Variants in ZC3H12B observed in about 807,000 individuals in gnomAD.
ZC3H12B encodes probable ribonuclease ZC3H12B.
A neutral mutation model predicts 43.9 loss-of-function variants in ZC3H12B; 7 were observed. The observed-to-expected ratio is 0.16, with a 90% CI of 0.09 to 0.30. The LOEUF is 0.30. ZC3H12B is among the 10% of genes least tolerant of loss of function. The pLI is 1.00. For missense variants in ZC3H12B, 475 were observed against 670.2 expected (o/e 0.71, Z 3.22); for synonymous variants, 222 against 241.7 (o/e 0.92, Z 0.76).
chrX:65,226,786 G>A, the ZC3H12B span, among the ~76,000 whole-genome samples: 1 of 111,512 alleles, frequency 9.0e-6, no homozygotes, highest in African/African-American at 3.3e-5. Flanking sequence ...AGACAAAGAA[G>A]ACCATTACAT....
chrX:65,168,247 G>T, the ZC3H12B span, among the ~76,000 whole-genome samples: 1 of 111,706 alleles, frequency 9.0e-6, no homozygotes, highest in Non-Finnish European at 1.9e-5. Context: ...TAGCATGAAG[G>T]GCTGTTGAAT....
chrX:65,503,253 A>G (rs1289504057), exon 5 of ZC3H12B: 2 of 951,577 alleles, frequency 2.1e-6, no homozygotes, highest in African/African-American at 4.0e-5. Flanking sequence ...GAATATTAAT[A>G]CTAATAATAC....
upstream of ZC3H12B, among the ~76,000 whole-genome samples, chrX:65,366,007 A>G (rs1368304751): frequency 9.0e-6 from 1 of 110,923 alleles, no homozygotes; most frequent in Non-Finnish European, 1.9e-5. Context: ...TAATTTCACC[A>G]AAGAATATAT....
At chrX:65,352,467 TAA>T in the ZC3H12B span, among the ~76,000 whole-genome samples, 84 of 101,427 alleles carry the variant, frequency 8.3e-4, no homozygotes, top group South Asian at 1.4e-3. Flanking sequence ...AAGTATAATT[TAA>T]AAAAAAAAAA....
chrX:65,322,257 T>TC, the ZC3H12B span, among the ~76,000 whole-genome samples: 1 of 110,933 alleles, frequency 9.0e-6, no homozygotes, highest in Non-Finnish European at 1.9e-5. Flanking sequence ...TCACCCACCA[T>TC]CCCCCACCTT....
chrX:65,155,931 A>G, the ZC3H12B span, among the ~76,000 whole-genome samples: 1 of 110,680 alleles, frequency 9.0e-6, no homozygotes, highest in South Asian at 3.8e-4. Context: ...TGGAATTATC[A>G]GTTTTTCAAA....
chrX:65,213,107 C>T, the ZC3H12B span, among the ~76,000 whole-genome samples: 1 of 108,227 alleles, frequency 9.2e-6, no homozygotes, highest in African/African-American at 3.3e-5. Flanking sequence ...TGTGTGAATC[C>T]TTGTAAATTG....
At chrX:65,058,052 T>G in the ZC3H12B span, among the ~76,000 whole-genome samples, 1 of 112,233 alleles carries the variant, frequency 8.9e-6, no homozygotes, top group African/African-American at 3.2e-5. Flanking sequence ...CTCGGAGAAG[T>G]TTGATCGTCT....
the ZC3H12B span, among the ~76,000 whole-genome samples, chrX:65,234,459 A>T: frequency 8.9e-6 from 1 of 111,938 alleles, no homozygotes; most frequent in Admixed American, 9.5e-5. Flanking sequence ...CAAGACAAGG[A>T]TCCCCACTTT....
At chrX:65,441,294 A>G (rs2067298306) in intron 3 of ZC3H12B, among the ~76,000 whole-genome samples, 1 of 112,211 alleles carries the variant, frequency 8.9e-6, no homozygotes, top group Admixed American at 9.5e-5. Flanking sequence ...CGGCTTTACC[A>G]ATTCCAACTA....
At chrX:65,452,442 A>G (rs762792938) in intron 3 of ZC3H12B, among the ~76,000 whole-genome samples, 2 of 111,654 alleles carry the variant, frequency 1.8e-5, no homozygotes, top group African/African-American at 6.5e-5. Flanking sequence ...ATAGCTGAAA[A>G]AAAAAAAAAC....
the ZC3H12B span, among the ~76,000 whole-genome samples, chrX:65,158,889 G>A: frequency 9.0e-6 from 1 of 111,443 alleles, no homozygotes; most frequent in South Asian, 3.7e-4. Flanking sequence ...TTTCTTCTAG[G>A]GTTTTTATGG....
the ZC3H12B span, among the ~76,000 whole-genome samples, chrX:65,307,817 A>G: frequency 2.7e-5 from 3 of 112,052 alleles, no homozygotes; most frequent in Non-Finnish European, 5.6e-5. Flanking sequence ...ATAAACACAA[A>G]CATTTAAAGT....
intron 3 of ZC3H12B, among the ~76,000 whole-genome samples, chrX:65,436,007 A>G (rs1483855837): frequency 1.8e-5 from 2 of 112,201 alleles, no homozygotes; most frequent in African/African-American, 6.5e-5. Flanking sequence ...TTACAAAGAA[A>G]CAGGTTAAAT....
the ZC3H12B span, among the ~76,000 whole-genome samples, chrX:65,056,488 C>G: frequency 9.0e-6 from 1 of 111,497 alleles, no homozygotes; most frequent in African/African-American, 3.3e-5. Context: ...TTTACATTTG[C>G]TGAGGAATGC....
At chrX:65,148,070 G>C in the ZC3H12B span, among the ~76,000 whole-genome samples, 1 of 111,046 alleles carries the variant, frequency 9.0e-6, no homozygotes, top group Non-Finnish European at 1.9e-5. Context: ...GTCTGTTGGA[G>C]AATGGGGCTA....
chrX:65,105,949 T>A, the ZC3H12B span, among the ~76,000 whole-genome samples: 1 of 111,909 alleles, frequency 8.9e-6, no homozygotes, highest in East Asian at 2.8e-4. Flanking sequence ...AATAAATTGA[T>A]AACTGGCATT....
chrX:65,125,278 G>A, the ZC3H12B span, among the ~76,000 whole-genome samples: 2 of 111,430 alleles, frequency 1.8e-5, no homozygotes, highest in African/African-American at 6.5e-5. Flanking sequence ...TAATTTCCAT[G>A]TATTTGCTTT....
At chrX:65,261,552 G>A in the ZC3H12B span, among the ~76,000 whole-genome samples, 1 of 110,543 alleles carries the variant, frequency 9.0e-6, no homozygotes, top group African/African-American at 3.3e-5. Context: ...ACCACTGCTG[G>A]CACCTGAGAT....
Sources: allele counts gnomAD v4.1 joint callset (sites outside exome capture counted in the v4.1 genomes callset), GRCh38; gene constraint gnomAD v4.1.1; transcripts MANE v1.5; gene names NCBI Gene and HGNC (gene_info 2026-07-23, HGNC 2026-07-21).